Variants in TMEM236 observed in about 807,000 individuals in gnomAD.
The protein encoded by TMEM236 is family with sequence similarity 23, member A.
Under a neutral mutation model 14.7 loss-of-function variants are expected in TMEM236, and 11 were observed. The ratio of observed to expected loss-of-function variants is 0.75; its 90% CI spans 0.47 to 1.24. The LOEUF (loss-of-function observed/expected upper bound fraction) is 1.24. Ranked by LOEUF, TMEM236 falls within the 50% of genes most tolerant of loss-of-function variation. The pLI, the probability that TMEM236 is intolerant of heterozygous loss-of-function variation, is 0.00. For synonymous variants in TMEM236, 182 were observed against 168.6 expected (o/e 1.08, Z -0.62); for missense variants, 464 against 427.3 (o/e 1.09, Z -0.76).
intron 3 of TMEM236, among the ~76,000 whole-genome samples, chr10:17,795,319 C>T (rs1190440806): frequency 1.3e-5 from 2 of 152,140 alleles, no homozygotes; most frequent in Non-Finnish European, 1.5e-5. Context: ...AATTGCAGCT[C>T]TGCCCAATAC....
intron 3 of TMEM236, among the ~76,000 whole-genome samples, chr10:17,791,199 C>T (rs1482100713): frequency 8.6e-5 from 13 of 151,392 alleles, no homozygotes; most frequent in South Asian, 4.2e-4. Context: ...TAATTTGGTG[C>T]GTTGGGAGGC....
chr10:17,752,610 A>G, intron 1 of TMEM236, 58 bp downstream of exon 1: 2 of 1,562,566 alleles, frequency 1.3e-6, no homozygotes, highest in Non-Finnish European at 1.8e-6. Context: ...TCTGTCACCC[A>G]GGCTGGAGTG....
At chr10:17,787,179 A>G (rs1488776176) in intron 3 of TMEM236, among the ~76,000 whole-genome samples, 1 of 152,208 alleles carries the variant, frequency 6.6e-6, no homozygotes, top group Non-Finnish European at 1.5e-5. Flanking sequence ...GGTCTCTGGC[A>G]TGCTTTGAAG....
chr10:17,782,506 G>T (rs1554835494), intron 3 of TMEM236, among the ~76,000 whole-genome samples: 2 of 152,078 alleles, frequency 1.3e-5, no homozygotes, highest in Non-Finnish European at 2.9e-5. Flanking sequence ...AGGTTGGAGT[G>T]CAGTGGCATG....
intron 1 of TMEM236, among the ~76,000 whole-genome samples, chr10:17,761,217 C>G (rs1484888020): frequency 1.3e-5 from 2 of 152,138 alleles, no homozygotes; most frequent in Non-Finnish European, 2.9e-5. Context: ...TTCATATATT[C>G]AAATCCAGTG....
At chr10:17,781,282 A>G (rs1837743361) in intron 3 of TMEM236, among the ~76,000 whole-genome samples, 4 of 152,178 alleles carry the variant, frequency 2.6e-5, no homozygotes, top group Non-Finnish European at 5.9e-5. Flanking sequence ...TATCTGCCTA[A>G]ATAATTTCTT....
chr10:17,769,952 T>C (rs1837540702), intron 1 of TMEM236, among the ~76,000 whole-genome samples: 1 of 152,194 alleles, frequency 6.6e-6, no homozygotes. Context: ...GTGAGAATAG[T>C]ACCCAAAAGG....
In TMEM236 at chr10:17,766,348, C is replaced by G. The variant is rs1028911369; in HGVS notation, c.258-4961C>G. On this transcript the variant is annotated intron_variant, in intron 1 of 3. Transcript: ENST00000377495. The stretch of plus-strand genomic sequence containing the variant: ...CATTTCATAGAAAGGATCACCCTTC[C>G]TCCAGTTTCCTATAATATGTTCCTC... Among the ~76,000 whole-genome samples the G allele has an allele frequency of 4.0e-3, 614 of 152,294 alleles. 4 individuals are homozygous for G. The highest frequency in any genetic ancestry group is 0.014 in the African/African-American group (588 of 41,560).
At chr10:17,794,925 C>G (rs1018997964) in intron 3 of TMEM236, among the ~76,000 whole-genome samples, 1 of 151,948 alleles carries the variant, frequency 6.6e-6, no homozygotes, top group African/African-American at 2.4e-5. Flanking sequence ...CTACTCGGGA[C>G]GCTGAGGCAG....
At chr10:17,762,616 T>TATATATATATATAC (rs1554834058) in intron 1 of TMEM236, among the ~76,000 whole-genome samples, 4 of 54,216 alleles carry the variant, frequency 7.4e-5, no homozygotes, top group Non-Finnish European at 1.0e-4. Context: ...TATATATATA[T>TATATATATATATAC]ATACACACAT....
At chr10:17,759,299 G>C (rs886855731) in intron 1 of TMEM236, among the ~76,000 whole-genome samples, 8 of 152,310 alleles carry the variant, frequency 5.3e-5, no homozygotes, top group African/African-American at 1.9e-4. Context: ...CATTGAGAAG[G>C]TACATTGGCA....
chr10:17,784,613 C>A (rs1837804384), intron 3 of TMEM236, among the ~76,000 whole-genome samples: 1 of 152,126 alleles, frequency 6.6e-6, no homozygotes, highest in African/African-American at 2.4e-5. Context: ...TTAATGAAAT[C>A]ATAATTTTTG....
chr10:17,782,682 C>A (rs2131758846), intron 3 of TMEM236, among the ~76,000 whole-genome samples: 1 of 152,186 alleles, frequency 6.6e-6, no homozygotes, highest in South Asian at 2.1e-4. Context: ...CAACTCCTGA[C>A]CTCAAATGAT....
intron 1 of TMEM236, among the ~76,000 whole-genome samples, chr10:17,767,419 C>T (rs1285628965): frequency 1.1e-4 from 17 of 152,188 alleles, no homozygotes; most frequent in Admixed American, 3.9e-4. Flanking sequence ...TGAGATCAGC[C>T]ATTGCACTCC....
chr10:17,776,874 G>A (rs1206801021), intron 3 of TMEM236, among the ~76,000 whole-genome samples: 1 of 152,152 alleles, frequency 6.6e-6, no homozygotes, highest in East Asian at 1.9e-4. Flanking sequence ...AAGATATTTT[G>A]TTAATGGAAT....
chr10:17,774,029 T>TGTTTGTTTG (rs1837618039), intron 2 of TMEM236, among the ~76,000 whole-genome samples: 1,380 of 133,602 alleles, frequency 0.01, 22 homozygotes, highest in African/African-American at 0.032. Flanking sequence ...ATATATATAT[T>TGTTTGTTTG]TTTGTTTGTT....
At chr10:17,762,614 T>TACAC (rs200824646) in intron 1 of TMEM236, among the ~76,000 whole-genome samples, 11 of 78,392 alleles carry the variant, frequency 1.4e-4, no homozygotes, top group African/African-American at 6.7e-4. Context: ...TATATATATA[T>TACAC]ATATACACAC....
intron 1 of TMEM236, among the ~76,000 whole-genome samples, chr10:17,760,779 G>A (rs1462810952): frequency 1.3e-5 from 2 of 152,206 alleles, no homozygotes; most frequent in African/African-American, 4.8e-5. Context: ...GGCAAATAAG[G>A]AGTAAAGTCA....
At chr10:17,771,157 T>A (rs1257380862) in intron 1 of TMEM236, 152 bp from the exon 2 acceptor site, 7 of 715,216 alleles carry the variant, frequency 9.8e-6, no homozygotes, top group Non-Finnish European at 1.5e-5. Context: ...CTCTTTGCCA[T>A]ATGCAAACAT....
Sources: gnomAD v4.1 joint callset for allele counts (sites outside exome capture counted in the v4.1 genomes callset) on GRCh38, gnomAD v4.1.1 for gene constraint, MANE v1.5 for transcripts, NCBI Gene and HGNC (gene_info 2026-07-23, HGNC 2026-07-21) for gene names.